The following FAM135B variants were observed in gnomAD, a reference collection of about 807,000 sequenced individuals.
The protein encoded by FAM135B is family with sequence similarity 135 member B, also known as protein FAM135B.
FAM135B carries 43 observed loss-of-function variants against 127.7 expected under a neutral mutation model. The observed-to-expected ratio is 0.34, with a 90% CI of 0.26 to 0.43. The LOEUF (loss-of-function observed/expected upper bound fraction) is 0.43. Among genes scored for constraint, FAM135B ranks in the 20% least tolerant of loss-of-function variants. FAM135B has a pLI of 1.00. For synonymous variants in FAM135B, 670 were observed against 665.1 expected, an observed-to-expected ratio of 1.01 and a Z score of -0.11; for missense variants, 1,558 against 1,725.6, an observed-to-expected ratio of 0.90 and a Z score of 1.72.
At chr8:138,189,839 T>C (rs1421223947) in intron 9 of FAM135B, among the ~76,000 whole-genome samples, 2 of 152,172 alleles carry the variant, frequency 1.3e-5, no homozygotes, top group Non-Finnish European at 2.9e-5. Flanking sequence ...TGTGGAGTCC[T>C]AATAAGATAA....
chr8:138,273,644 C>T (rs1312538868), intron 3 of FAM135B, among the ~76,000 whole-genome samples: 1 of 152,142 alleles, frequency 6.6e-6, no homozygotes, highest in Non-Finnish European at 1.5e-5. Context: ...CTCCACTGGC[C>T]TTAGTTCTTT....
chr8:138,296,938 TG>T (rs998274398), intron 3 of FAM135B, among the ~76,000 whole-genome samples: 6 of 152,180 alleles, frequency 3.9e-5, no homozygotes, highest in Non-Finnish European at 7.3e-5. Flanking sequence ...ATGAGAGGTA[TG>T]GGGAGCTCAG....
intron 3 of FAM135B, among the ~76,000 whole-genome samples, chr8:138,297,761 C>T (rs1403031308): frequency 6.6e-6 from 1 of 152,234 alleles, no homozygotes; most frequent in African/African-American, 2.4e-5. Flanking sequence ...AGCTGAACAT[C>T]CAAGAAGGAA....
chr8:138,195,608 C>T (rs1300464570), intron 8 of FAM135B, among the ~76,000 whole-genome samples: 1 of 151,538 alleles, frequency 6.6e-6, no homozygotes, highest in Non-Finnish European at 1.5e-5. Context: ...CAGAGAGATT[C>T]CACGTTTATT....
intron 1 of FAM135B, among the ~76,000 whole-genome samples, chr8:138,376,562 C>G (rs1831487120): frequency 6.6e-6 from 1 of 152,174 alleles, no homozygotes; most frequent in Non-Finnish European, 1.5e-5. Flanking sequence ...ATTGTATACT[C>G]CATCAACTTC....
At chr8:138,147,407 T>C (rs1425149016) in intron 14 of FAM135B, among the ~76,000 whole-genome samples, 3 of 152,206 alleles carry the variant, frequency 2.0e-5, no homozygotes, top group African/African-American at 4.8e-5. Context: ...TCTCAGAAAA[T>C]ATGATTTAAT....
At chr8:138,245,211 G>A (rs982024652) in intron 6 of FAM135B, among the ~76,000 whole-genome samples, 16 of 152,072 alleles carry the variant, frequency 1.1e-4, no homozygotes, top group African/African-American at 3.4e-4. Flanking sequence ...TCTTTCTGTC[G>A]GAAGGTTAAA....
intron 1 of FAM135B, among the ~76,000 whole-genome samples, chr8:138,394,502 T>C (rs1260994087): frequency 1.3e-5 from 2 of 152,114 alleles, no homozygotes; most frequent in East Asian, 3.9e-4. Flanking sequence ...GTGAGACTAA[T>C]TAATTATTCA....
chr8:138,363,688 T>C (rs1830575066), intron 2 of FAM135B, among the ~76,000 whole-genome samples: 1 of 152,216 alleles, frequency 6.6e-6, no homozygotes, highest in African/African-American at 2.4e-5. Context: ...CCCATGAATA[T>C]AAATGTGGTA....
rs1158248088 is a variant in FAM135B at position 138,418,910 on chromosome 8, G to C, written c.-19-50908C>G. The stretch of plus-strand genomic sequence containing the variant: ...AAAAAAAAAAAAAAAACATACTTAA[G>C]CACATAGCGCACTGACACTACAACA... On this transcript the variant is annotated intron_variant, in intron 1 of 19. Transcript: ENST00000395297. Among the ~76,000 whole-genome samples the C allele has an allele frequency of 2.9e-5, 4 of 139,204 alleles. No individual in the cohort carries two copies. The Admixed American group carries it at 2.9e-4, about 10-fold the overall frequency. The allele number at this position is 139,204 out of a possible 152,430, so 91.3% of individuals were successfully genotyped here.
intron 1 of FAM135B, among the ~76,000 whole-genome samples, chr8:138,369,238 G>T (rs1012834265): frequency 2.0e-5 from 3 of 152,158 alleles, no homozygotes; most frequent in Non-Finnish European, 2.9e-5. Flanking sequence ...TGAGAGAGAA[G>T]GAGGAGAGGG....
rs1814707775 is a variant in FAM135B, at chr8:138,178,614, A to T, written c.950T>A (p.Leu317Gln). Residue 317 changes from leucine to glutamine, a missense_variant, in exon 10 of 20, where the codon CTG becomes CAG. By Grantham distance (113) the Leu-to-Gln change is moderately radical. Transcript: ENST00000395297. ...GACTGTGTCCAGGAACTGGGTCCACAGAGTCATCATGTGGGACGTGAGCCA... is the reference window on the plus strand; with the variant it reads ...GACTGTGTCCAGGAACTGGGTCCACTGAGTCATCATGTGGGACGTGAGCCA... ...LAWLTSHMMTLWTQFLDTVTL... is the reference protein window; with the variant it reads ...LAWLTSHMMTQWTQFLDTVTL... The T allele has an allele frequency of 6.2e-7, 1 of 1,614,136 alleles. No homozygotes were observed.
At chr8:138,207,802 C>T (rs1817819284) in intron 7 of FAM135B, among the ~76,000 whole-genome samples, 1 of 152,160 alleles carries the variant, frequency 6.6e-6, no homozygotes, top group Admixed American at 6.5e-5. Flanking sequence ...CTTGTTCTCC[C>T]TCAAAGGCGT....
chr8:138,151,952 G>T lies in FAM135B; in HGVS notation c.2523C>A (p.Gly841=), dbSNP rs771264304. ...CTTTGGGGATGTCTATGTATCCGGGGCCCTGCTGGTTGTCAGCATCTAAAA... is the reference window on the plus strand; with the variant it reads ...CTTTGGGGATGTCTATGTATCCGGGTCCCTGCTGGTTGTCAGCATCTAAAA... ...EIVLDADNQQ[G]PGYIDIPKGK... is the part of the protein sequence containing the mutation. The change falls in exon 13 of 20, where the codon GGC becomes GGA. Residue 841 remains glycine (G), a synonymous_variant. Transcript: ENST00000395297. 8.7e-6 allele frequency: 14 copies of T among 1,613,998 alleles called. No individual in the cohort carries two copies. Among genetic ancestry groups the T allele is most frequent in the African/African-American group, 1.3e-5 (1 of 74,910 alleles).
chr8:138,365,747 A>G (rs1830693283), intron 2 of FAM135B, among the ~76,000 whole-genome samples: 1 of 152,160 alleles, frequency 6.6e-6, no homozygotes, highest in South Asian at 2.1e-4. Flanking sequence ...CAACGATATG[A>G]GGCTTAGTGA....
chr8:138,282,969 C>T (rs952749123), intron 3 of FAM135B, among the ~76,000 whole-genome samples: 2 of 151,396 alleles, frequency 1.3e-5, no homozygotes, highest in African/African-American at 4.9e-5. Context: ...GGTGTGATCT[C>T]GGCTTACTGC....
intron 1 of FAM135B, chr8:138,438,162 G>A (rs1835559284): frequency 6.6e-6 from 1 of 152,062 alleles, no homozygotes; most frequent in Admixed American, 6.6e-5. Flanking sequence ...AAGAATAAGA[G>A]GCAATTTAAA....
chr8:138,454,862 G>A (rs910059683), intron 1 of FAM135B, among the ~76,000 whole-genome samples: 1 of 152,170 alleles, frequency 6.6e-6, no homozygotes, highest in African/African-American at 2.4e-5. Flanking sequence ...CAGAATCCAC[G>A]AAAACAAGAA....
At chr8:138,232,493 A>T (rs1819974043) in intron 7 of FAM135B, among the ~76,000 whole-genome samples, 1 of 152,220 alleles carries the variant, frequency 6.6e-6, no homozygotes, top group African/African-American at 2.4e-5. Flanking sequence ...AATATGTTGG[A>T]TTCATATGCA....
Sources: allele counts gnomAD v4.1 joint callset (sites outside exome capture counted in the v4.1 genomes callset), GRCh38; gene constraint gnomAD v4.1.1; transcripts MANE v1.5; gene names NCBI Gene and HGNC (gene_info 2026-07-23, HGNC 2026-07-21).